PIBF1: variants seen among roughly 807,000 people sequenced by gnomAD.
The protein encoded by PIBF1 is progesterone immunomodulatory binding factor 1.
In PIBF1, 90 loss-of-function variants were observed where a neutral mutation model predicts 112.5. The ratio of observed to expected loss-of-function variants is 0.80; its 90% confidence interval spans 0.67 to 0.95. PIBF1 has a LOEUF of 0.95. Ranked by LOEUF, PIBF1 falls within the 40% of genes least tolerant of loss-of-function variation. PIBF1 has a pLI of 0.00. For missense variants in PIBF1, 915 were observed against 852.3 expected (o/e 1.07, Z -0.92); for synonymous variants, 301 against 288.6 (o/e 1.04, Z -0.44).
chr13:72,848,463 A>T (rs960255268), intron 9 of PIBF1, among the ~76,000 whole-genome samples: 2 of 152,342 alleles, frequency 1.3e-5, no homozygotes, highest in South Asian at 4.1e-4. Context: ...GTATTAAATT[A>T]TCTGCTGCAC....
chr13:72,991,490 T>G (rs995297316), intron 16 of PIBF1, among the ~76,000 whole-genome samples: 1 of 152,176 alleles, frequency 6.6e-6, no homozygotes, highest in Non-Finnish European at 1.5e-5. Flanking sequence ...GGTAATTTTA[T>G]TATGTATTTG....
At chr13:72,996,374 C>A (rs2043672008) in intron 16 of PIBF1, among the ~76,000 whole-genome samples, 1 of 151,848 alleles carries the variant, frequency 6.6e-6, no homozygotes, top group South Asian at 2.1e-4. Context: ...CAGAAGCTTA[C>A]ATTTTATCAA....
At chr13:72,815,172 G>T (rs1456901956) in intron 5 of PIBF1, among the ~76,000 whole-genome samples, 1 of 152,138 alleles carries the variant, frequency 6.6e-6, no homozygotes, top group Non-Finnish European at 1.5e-5. Flanking sequence ...TATTACTACA[G>T]ATGTAAAAAT....
intron 13 of PIBF1, among the ~76,000 whole-genome samples, chr13:72,918,992 C>T (rs773960405): frequency 6.6e-5 from 10 of 152,190 alleles, no homozygotes; most frequent in Non-Finnish European, 1.3e-4. Context: ...GCATGAGCTA[C>T]CACGCCGTGC....
chr13:72,856,949 T>A (rs1353299436), intron 10 of PIBF1, among the ~76,000 whole-genome samples: 2 of 152,188 alleles, frequency 1.3e-5, no homozygotes, highest in Non-Finnish European at 2.9e-5. Context: ...TAGTTACAGT[T>A]TTTACGTTAT....
Position 72,880,580 on chromosome 13 carries a change from G to C in PIBF1, c.1323-13204G>C, listed in dbSNP as rs149609545. Among the ~76,000 whole-genome samples, 362 of 152,312 alleles carry C rather than the reference G, an allele frequency of 2.4e-3. 3 individuals carry two copies. The highest frequency in any genetic ancestry group is 7.9e-3 in the African/African-American group (330 of 41,572). On this transcript the variant is annotated intron_variant, in intron 10 of 17. Transcript: ENST00000326291. ...AATTATGAAAGCTGAGACACAGGTA[G>C]TAAAGAGTGGTATGGAGTTTGAACT...
intron 13 of PIBF1, among the ~76,000 whole-genome samples, chr13:72,927,994 C>CATATATATATACACACATATATATAT (rs1555316933): frequency 7.5e-5 from 6 of 79,952 alleles, no homozygotes; most frequent in Admixed American, 3.0e-4. Flanking sequence ...TATATACACA[C>CATATATATATACACACATATATATAT]ACATATATAT....
At chr13:73,015,679 C>A (rs2044362425) in intron 17 of PIBF1, among the ~76,000 whole-genome samples, 190 bp from the exon 18 acceptor site, 1 of 152,110 alleles carries the variant, frequency 6.6e-6, no homozygotes, top group Non-Finnish European at 1.5e-5. Context: ...CTATCATATA[C>A]CTACCAGGTG....
intron 17 of PIBF1, among the ~76,000 whole-genome samples, chr13:73,005,721 C>T (rs1457534849): frequency 6.6e-6 from 1 of 151,956 alleles, no homozygotes; most frequent in Non-Finnish European, 1.5e-5. Context: ...AGAATCATGT[C>T]CTAACACTGT....
At chr13:72,950,317 A>C (rs1280082025) in intron 14 of PIBF1, among the ~76,000 whole-genome samples, 1 of 152,180 alleles carries the variant, frequency 6.6e-6, no homozygotes, top group East Asian at 1.9e-4. Flanking sequence ...CCACGTCTTC[A>C]AAAAAAGGTA....
At chr13:72,923,461 T>C (rs2041368323) in intron 13 of PIBF1, among the ~76,000 whole-genome samples, 1 of 152,216 alleles carries the variant, frequency 6.6e-6, no homozygotes. Flanking sequence ...TGGTAGTTTC[T>C]AGCTGATATC....
intron 17 of PIBF1, among the ~76,000 whole-genome samples, chr13:73,011,637 A>G (rs1001375034): frequency 9.2e-5 from 14 of 152,180 alleles, no homozygotes; most frequent in African/African-American, 3.4e-4. Context: ...ACGTGTGTAA[A>G]GTTCATATTC....
chr13:72,819,068 A>T (rs1303267572), intron 5 of PIBF1, among the ~76,000 whole-genome samples: 2 of 152,098 alleles, frequency 1.3e-5, no homozygotes, highest in Non-Finnish European at 2.9e-5. Context: ...ATCTGCACTC[A>T]TTCTGGTTTG....
chr13:72,851,284 G>A (rs1006208468), intron 9 of PIBF1, among the ~76,000 whole-genome samples: 1 of 152,190 alleles, frequency 6.6e-6, no homozygotes. Context: ...GGCCTAGGGA[G>A]CCCCCTTCCC....
chr13:72,804,443 A>G (rs1216400145), intron 5 of PIBF1, among the ~76,000 whole-genome samples: 1 of 152,204 alleles, frequency 6.6e-6, no homozygotes, highest in Non-Finnish European at 1.5e-5. Flanking sequence ...TCTGATGGTA[A>G]TCAACTGGGA....
At chr13:72,987,129 A>G (rs2043316477) in intron 16 of PIBF1, among the ~76,000 whole-genome samples, 1 of 152,192 alleles carries the variant, frequency 6.6e-6, no homozygotes, top group South Asian at 2.1e-4. Flanking sequence ...CTTTTCAGTC[A>G]TAAGAGAGAT....
At chr13:72,976,931 T>A (rs2043037048) in intron 16 of PIBF1, among the ~76,000 whole-genome samples, 1 of 152,096 alleles carries the variant, frequency 6.6e-6, no homozygotes, top group African/African-American at 2.4e-5. Context: ...GGACACATGA[T>A]GTAAGGAGGT....
At chr13:72,981,329 G>C (rs986536153) in intron 16 of PIBF1, among the ~76,000 whole-genome samples, 22 of 151,156 alleles carry the variant, frequency 1.5e-4, no homozygotes, top group Non-Finnish European at 1.2e-4. Context: ...CAAAGCTAGA[G>C]ATTACACAAT....
chr13:72,825,409 G>A (rs1028104400), intron 6 of PIBF1, among the ~76,000 whole-genome samples: 3 of 152,200 alleles, frequency 2.0e-5, no homozygotes, highest in East Asian at 3.8e-4. Context: ...GTATGTGTGT[G>A]TAGGTGTGTA....
Sources: gnomAD v4.1 joint callset for allele counts (sites outside exome capture counted in the v4.1 genomes callset) on GRCh38, gnomAD v4.1.1 for gene constraint, MANE v1.5 for transcripts, NCBI Gene and HGNC (gene_info 2026-07-23, HGNC 2026-07-21) for gene names.